Variants in FARS2 observed in about 807,000 individuals in gnomAD.
FARS2 encodes the protein phenylalanyl-tRNA synthetase 2, mitochondrial.
Under a neutral mutation model 46.4 loss-of-function variants are expected in FARS2, and 40 were observed. That is an observed-to-expected ratio of 0.86 (90% CI 0.67 to 1.12). The LOEUF (loss-of-function observed/expected upper bound fraction) is 1.12, where lower values mean the gene tolerates loss of function less well. FARS2 is among the 50% of genes most tolerant of loss of function. FARS2 has a pLI of 0.00. For missense variants in FARS2, 513 were observed against 567.9 expected (o/e 0.90, Z 0.98); for synonymous variants, 234 against 214.9 (o/e 1.09, Z -0.78).
intron 6 of FARS2, among the ~76,000 whole-genome samples, chr6:5,687,087 T>G (rs1757291601): frequency 6.6e-6 from 1 of 152,262 alleles, no homozygotes; most frequent in South Asian, 2.1e-4. Context: ...CATTGTAGAT[T>G]CTGGGTATTA....
intron 5 of FARS2, among the ~76,000 whole-genome samples, chr6:5,575,254 C>T (rs774997068): frequency 6.6e-6 from 1 of 152,208 alleles, no homozygotes; most frequent in Non-Finnish European, 1.5e-5. Context: ...CATAGACCAT[C>T]ACCTTGTTCA....
chr6:5,580,192 A>G (rs1773243463), intron 5 of FARS2, among the ~76,000 whole-genome samples: 1 of 150,616 alleles, frequency 6.6e-6, no homozygotes, highest in African/African-American at 2.4e-5. Context: ...CAGGAGGCTC[A>G]AGCAGGAGAA....
At chr6:5,493,638 G>A (rs1185135375) in intron 4 of FARS2, among the ~76,000 whole-genome samples, 2 of 152,196 alleles carry the variant, frequency 1.3e-5, no homozygotes, top group Admixed American at 1.3e-4. Flanking sequence ...TGACTTGATG[G>A]CTCTTAGACT....
chr6:5,410,934 A>T (rs994123259), intron 3 of FARS2, among the ~76,000 whole-genome samples: 5 of 152,318 alleles, frequency 3.3e-5, no homozygotes, highest in Admixed American at 3.3e-4. Flanking sequence ...AGACACAGAG[A>T]AAAAGTGCCA....
At chr6:5,578,808 C>CAAAAAAAAAAAAAAAAAAAAA (rs56248218) in intron 5 of FARS2, among the ~76,000 whole-genome samples, 4 of 124,374 alleles carry the variant, frequency 3.2e-5, no homozygotes, top group African/African-American at 9.6e-5. Context: ...CACTCCGTCT[C>CAAAAAAAAAAAAAAAAAAAAA]AAAAAAAAAA....
At position 5,630,326 on chromosome 6, in the gene FARS2, C is replaced by T. The variant is rs369667491; in HGVS notation, c.1217+17006C>T. Among the ~76,000 whole-genome samples, 13 of 152,130 alleles carry T rather than the reference C, an allele frequency of 8.5e-5. No homozygotes were observed. The highest frequency in any genetic ancestry group is 1.2e-4 in the African/African-American group (5 of 41,412). On this transcript the variant is annotated intron_variant, in intron 6 of 6. Coordinates refer to ENST00000274680, the MANE Select transcript of FARS2 (RefSeq NM_006567.5). This position sits in a 1 kb window ranked among gnomAD's most constrained non-coding sequence, Gnocchi z 4.2. Reference sequence around the variant, plus strand: ...GACTGTAGTGTCATCAGAAAACAAGCGCAGACCACATGGATTTGACAATGA... The same window carrying T: ...GACTGTAGTGTCATCAGAAAACAAGTGCAGACCACATGGATTTGACAATGA...
chr6:5,574,957 GA>G (rs35821982), intron 5 of FARS2, among the ~76,000 whole-genome samples: 28,799 of 150,032 alleles, frequency 0.19, 4,828 homozygotes, highest in African/African-American at 0.44. Flanking sequence ...ACGTTTGATT[GA>G]AAAAAAAAAT....
intron 1 of FARS2, among the ~76,000 whole-genome samples, chr6:5,306,947 A>G (rs1768748336): frequency 1.3e-5 from 2 of 152,162 alleles, no homozygotes; most frequent in Non-Finnish European, 2.9e-5. Flanking sequence ...AAACTAAAAA[A>G]AAAATGGAGA....
chr6:5,317,653 G>C (rs576769007), intron 1 of FARS2, among the ~76,000 whole-genome samples: 69 of 152,068 alleles, frequency 4.5e-4, no homozygotes, highest in African/African-American at 1.6e-3. Context: ...GGTGATGCGG[G>C]CCTGAAGTTG....
intron 6 of FARS2, among the ~76,000 whole-genome samples, chr6:5,766,145 T>C (rs1456180091): frequency 2.6e-5 from 4 of 152,238 alleles, no homozygotes. Context: ...AGCTGTGAAG[T>C]ACATAAAAGA....
chr6:5,609,495 T>G (rs1294184517), intron 5 of FARS2: 23 of 1,226,706 alleles, frequency 1.9e-5, no homozygotes, highest in Non-Finnish European at 2.6e-5. Context: ...ACCACCATCA[T>G]GGCTGCCACC....
chr6:5,644,085 G>A (rs1486012272), intron 6 of FARS2, among the ~76,000 whole-genome samples: 2 of 152,090 alleles, frequency 1.3e-5, no homozygotes, highest in Admixed American at 6.5e-5. Context: ...TTCTGGGGGT[G>A]TCTTCATTTG....
intron 4 of FARS2, among the ~76,000 whole-genome samples, chr6:5,532,666 G>A (rs960869025): frequency 1.3e-5 from 2 of 152,116 alleles, no homozygotes; most frequent in African/African-American, 4.8e-5. Flanking sequence ...CAGGAGAATT[G>A]CTTCAACCTG....
intron 6 of FARS2, among the ~76,000 whole-genome samples, chr6:5,684,627 T>A (rs1757043940): frequency 6.6e-6 from 1 of 152,194 alleles, no homozygotes; most frequent in African/African-American, 2.4e-5. Context: ...CAAGCACTGC[T>A]TAGTGCTTCC....
At chr6:5,581,723 T>C (rs1561729490) in intron 5 of FARS2, among the ~76,000 whole-genome samples, 2 of 152,188 alleles carry the variant, frequency 1.3e-5, no homozygotes, top group Non-Finnish European at 1.5e-5. Flanking sequence ...TGATGTGCTT[T>C]TCTAAATGGT....
At chr6:5,536,384 C>T (rs1770200936) in intron 4 of FARS2, among the ~76,000 whole-genome samples, 1 of 152,076 alleles carries the variant, frequency 6.6e-6, no homozygotes, top group African/African-American at 2.4e-5. Flanking sequence ...CATCTTTCTT[C>T]ATTCTCATGT....
intron 2 of FARS2, among the ~76,000 whole-genome samples, chr6:5,399,127 T>TTTTTTATTA (rs1554178400): frequency 7.2e-5 from 9 of 125,844 alleles, no homozygotes; most frequent in African/African-American, 9.4e-5. Flanking sequence ...TTTATATTAT[T>TTTTTTATTA]TTATTATTAT....
At chr6:5,301,055 G>T (rs150901140) in intron 1 of FARS2, among the ~76,000 whole-genome samples, 1 of 151,864 alleles carries the variant, frequency 6.6e-6, no homozygotes, top group Non-Finnish European at 1.5e-5. Flanking sequence ...AATGAAGGCT[G>T]TGCTTACTGG....
intron 4 of FARS2, among the ~76,000 whole-genome samples, chr6:5,454,922 A>G (rs1462476237): frequency 6.6e-6 from 1 of 152,128 alleles, no homozygotes. Context: ...TAGCACCTGC[A>G]TGTCTTGTTC....
Sources: gnomAD v4.1 joint callset for allele counts (sites outside exome capture counted in the v4.1 genomes callset) on GRCh38, gnomAD v4.1.1 for gene constraint, Gnocchi (gnomAD v3.1) non-coding constraint, MANE v1.5 for transcripts, NCBI Gene and HGNC (gene_info 2026-07-23, HGNC 2026-07-21) for gene names.